The following ACTR3B variants were observed in gnomAD, a reference collection of about 807,000 sequenced individuals.
ACTR3B encodes actin-related protein 3B.
Under a neutral mutation model 59.0 loss-of-function variants are expected in ACTR3B, and 8 were observed. The observed-to-expected ratio is 0.14, with a 90% CI of 0.08 to 0.24. ACTR3B has a LOEUF of 0.24. ACTR3B is among the 10% of genes least tolerant of loss of function. ACTR3B has a pLI of 1.00. For missense variants in ACTR3B, 245 were observed against 552.3 expected (o/e 0.44, Z 5.58); for synonymous variants, 148 against 197.9 (o/e 0.75, Z 2.12).
chr7:152,782,528 A>G (rs560607753), intron 1 of ACTR3B, among the ~76,000 whole-genome samples: 4 of 152,248 alleles, frequency 2.6e-5, no homozygotes, highest in African/African-American at 9.6e-5. Flanking sequence ...GTGTCTTGAC[A>G]GAAAATGGGC....
At chr7:152,813,686 C>G (rs1472557871) in intron 4 of ACTR3B, 2 of 151,130 alleles carry the variant, frequency 1.3e-5, no homozygotes, top group African/African-American at 4.9e-5. Context: ...TGCCACCACA[C>G]TTGGCTGACT....
At chr7:152,761,675 TC>T (rs1186981862) in intron 1 of ACTR3B, among the ~76,000 whole-genome samples, 4 of 152,294 alleles carry the variant, frequency 2.6e-5, no homozygotes, top group Admixed American at 2.6e-4. Context: ...GCAGGGAATC[TC>T]CATATGAATT....
At chr7:152,816,167 G>A (rs1019173890) in intron 5 of ACTR3B, among the ~76,000 whole-genome samples, 1 of 152,142 alleles carries the variant, frequency 6.6e-6, no homozygotes, top group Non-Finnish European at 1.5e-5. Flanking sequence ...GGCTGGTCTC[G>A]AACTCTTGGG....
intron 9 of ACTR3B, among the ~76,000 whole-genome samples, chr7:152,828,434 G>A (rs1796753251): frequency 6.6e-6 from 1 of 152,172 alleles, no homozygotes; most frequent in South Asian, 2.1e-4. Flanking sequence ...CACTGACGAG[G>A]TTCGCTCCTG....
At position 152,777,949 on chromosome 7, in the gene ACTR3B, C is replaced by CAA. The variant is rs113672566; in HGVS notation, c.45-5225_45-5224dup. 3.9e-3 allele frequency among the ~76,000 whole-genome samples: 480 copies of CAA among 124,440 alleles called. 2 individuals are homozygous for CAA. Among genetic ancestry groups the CAA allele is most frequent in the African/African-American group, 0.014 (465 of 34,280 alleles). The allele number at this position is 124,440 out of a possible 152,430, so 81.6% of individuals were successfully genotyped here. ...TGGGTGACAGAGCAAGACTCCGTCT[C>CAA]AAAAAAAAAAAAAAGAATTAAATTT... On this transcript the variant is annotated intron_variant, in intron 1 of 11. Coordinates refer to ENST00000256001, the MANE Select transcript of ACTR3B (RefSeq NM_020445.6).
intron 1 of ACTR3B, among the ~76,000 whole-genome samples, chr7:152,777,920 A>G (rs1439175591): frequency 6.6e-6 from 1 of 151,932 alleles, no homozygotes; most frequent in African/African-American, 2.4e-5. Context: ...ACTGCACTCC[A>G]GCCTGGGTGA....
chr7:152,800,867 A>G (rs1223356307), intron 3 of ACTR3B, among the ~76,000 whole-genome samples: 37 of 152,410 alleles, frequency 2.4e-4, no homozygotes, highest in Non-Finnish European at 4.8e-4. Context: ...AATGCAGAAT[A>G]GACTCAGGAA....
At chr7:152,834,608 A>G (rs560796067) in intron 9 of ACTR3B, among the ~76,000 whole-genome samples, 131 of 152,180 alleles carry the variant, frequency 8.6e-4, no homozygotes, top group Non-Finnish European at 1.5e-3. Context: ...TTCTTTAAAA[A>G]CATGATTTGT....
chr7:152,773,313 C>T lies in ACTR3B; in HGVS notation c.45-9874C>T, dbSNP rs796910613. Among the ~76,000 whole-genome samples, 18 of 152,126 alleles carry T rather than the reference C, an allele frequency of 1.2e-4. 1 individual carries two copies. Among genetic ancestry groups the T allele is most frequent in the African/African-American group, 4.1e-4 (17 of 41,508 alleles). On this transcript the variant is annotated intron_variant, in intron 1 of 11. Transcript: ENST00000256001. ...AAAAAAGAAAGTAAAAGGGGCCAGA[C>T]GCAGTGGCTCACGCCTGTAATCCCA...
At chr7:152,769,099 C>T (rs1218877796) in intron 1 of ACTR3B, among the ~76,000 whole-genome samples, 3 of 152,106 alleles carry the variant, frequency 2.0e-5, no homozygotes, top group Non-Finnish European at 4.4e-5. Flanking sequence ...GTGATCCACC[C>T]GCCTCTGCCT....
intron 6 of ACTR3B, among the ~76,000 whole-genome samples, chr7:152,819,605 C>G (rs1795990486): frequency 6.6e-6 from 1 of 152,186 alleles, no homozygotes; most frequent in African/African-American, 2.4e-5. Context: ...ATTGATCGGC[C>G]CAGGGCGTGG....
Position 152,759,846 on chromosome 7 carries a change from G to C in ACTR3B, c.-37G>C, listed in dbSNP as rs1376622535. ...GAGCGGACGGCGACGGGGCGCTCTCGGGCTGCCGGCGGGGCCGAGCGCCGC... is the reference window on the plus strand; with the variant it reads ...GAGCGGACGGCGACGGGGCGCTCTCCGGCTGCCGGCGGGGCCGAGCGCCGC... On this transcript the variant is annotated 5_prime_UTR_variant, in exon 1 of 12. Coordinates refer to ENST00000256001, the MANE Select transcript of ACTR3B (RefSeq NM_020445.6). 1 of 1,243,120 alleles carries C rather than the reference G, an allele frequency of 8.0e-7. No homozygotes were observed. Among genetic ancestry groups the C allele is most frequent in the Non-Finnish European group, 1.0e-6 (1 of 990,764 alleles). 77.0% of individuals were successfully genotyped at this position (1,243,120 alleles called of 1,614,324 possible).
At chr7:152,777,139 C>A (rs2689497) in intron 1 of ACTR3B, among the ~76,000 whole-genome samples, 1 of 151,894 alleles carries the variant, frequency 6.6e-6, no homozygotes, top group Non-Finnish European at 1.5e-5. Context: ...CTAATGTGAC[C>A]CTTTATAATG....
At chr7:152,798,085 A>G (rs1012688936) in intron 2 of ACTR3B, among the ~76,000 whole-genome samples, 7 of 151,982 alleles carry the variant, frequency 4.6e-5, no homozygotes, top group African/African-American at 1.4e-4. Context: ...TGGTAGTTCT[A>G]TTTTTAATTG....
intron 4 of ACTR3B, chr7:152,810,936 T>C (rs1023645572): frequency 2.4e-4 from 36 of 151,682 alleles, no homozygotes; most frequent in African/African-American, 8.5e-4. Context: ...TCATTACAAA[T>C]TGTTGAAGCA....
intron 1 of ACTR3B, 76 bp downstream of exon 1, chr7:152,760,002 G>T (rs765558859): frequency 3.2e-4 from 387 of 1,220,366 alleles, no homozygotes; most frequent in Non-Finnish European, 3.7e-4. Context: ...TCGCCTGGAG[G>T]TCGAGCTGCG....
chr7:152,820,176 G>A (rs1350699296), intron 6 of ACTR3B, 123 bp from the exon 7 acceptor site: 1 of 1,519,874 alleles, frequency 6.6e-7, no homozygotes, highest in African/African-American at 1.4e-5. Context: ...TGGGGATTAT[G>A]TAAATGCTTG....
chr7:152,785,377 G>A (rs1255408822), intron 2 of ACTR3B, among the ~76,000 whole-genome samples: 1 of 4,818 alleles, frequency 2.1e-4, no homozygotes. Flanking sequence ...AGTTTGTTGT[G>A]AGGGGGGGGG....
chr7:152,825,917 C>A (rs1256064141), intron 9 of ACTR3B, among the ~76,000 whole-genome samples: 4 of 152,128 alleles, frequency 2.6e-5, no homozygotes, highest in African/African-American at 4.8e-5. Flanking sequence ...TGAGGAAAAT[C>A]TAGTCTATAT....
Sources: allele counts gnomAD v4.1 joint callset (sites outside exome capture counted in the v4.1 genomes callset), GRCh38; gene constraint gnomAD v4.1.1; transcripts MANE v1.5; gene names NCBI Gene and HGNC (gene_info 2026-07-23, HGNC 2026-07-21).